PHKB: variants seen among roughly 807,000 people sequenced by gnomAD.
PHKB encodes phosphorylase b kinase regulatory subunit beta.
PHKB carries 122 observed loss-of-function variants against 152.1 expected under a neutral mutation model. That is an observed-to-expected ratio of 0.80 (90% CI 0.69 to 0.93). The LOEUF (loss-of-function observed/expected upper bound fraction) is 0.93. Ranked by LOEUF, PHKB falls within the 40% of genes least tolerant of loss-of-function variation. PHKB has a pLI of 0.00. For missense variants in PHKB, 1,304 were observed against 1,328.4 expected (o/e 0.98, Z 0.29); for synonymous variants, 436 against 464.9 (o/e 0.94, Z 0.80).
At chr16:47,494,228 A>T (rs1369690543) in intron 1 of PHKB, among the ~76,000 whole-genome samples, 1 of 152,182 alleles carries the variant, frequency 6.6e-6, no homozygotes, top group Non-Finnish European at 1.5e-5. Context: ...GATTCCGAAA[A>T]TGTGATTCAT....
At chr16:47,628,147 C>T (rs373852767) in intron 14 of PHKB, among the ~76,000 whole-genome samples, 1 of 152,170 alleles carries the variant, frequency 6.6e-6, no homozygotes, top group East Asian at 1.9e-4. Flanking sequence ...TTTTTCTTTC[C>T]TTCTCTCCCT....
chr16:47,600,941 C>T (rs941049852), intron 13 of PHKB, among the ~76,000 whole-genome samples: 9 of 152,100 alleles, frequency 5.9e-5, no homozygotes, highest in Non-Finnish European at 1.0e-4. Flanking sequence ...CCCAGGAGTT[C>T]GCGACTAGCC....
intron 20 of PHKB, among the ~76,000 whole-genome samples, chr16:47,654,969 G>T (rs1026586127): frequency 2.6e-5 from 4 of 151,374 alleles, no homozygotes; most frequent in Non-Finnish European, 4.4e-5. Context: ...AATAAATAAA[G>T]AAAAGAAAAA....
rs765843664 is a variant in PHKB at position 47,649,154 on chromosome 16, A to T, written c.1747A>T (p.Ser583Cys). The T allele has an allele frequency of 6.2e-7, 1 of 1,610,804 alleles. No individual in the cohort carries two copies. Among genetic ancestry groups the T allele is most frequent in the Non-Finnish European group, 8.5e-7 (1 of 1,177,038 alleles). The change falls in exon 18 of 31, where the codon AGT becomes TGT. Residue 583 changes from serine (S) to cysteine (C), a missense_variant. By Grantham distance (112) the Ser-to-Cys change is moderately radical. Transcript: ENST00000323584. Reference sequence around the variant, plus strand: ...TTGTTACCCGATTATTTTCGACCTAAGTGATTTCTACATGTCTCAGGATGT... The same window carrying T: ...TTGTTACCCGATTATTTTCGACCTATGTGATTTCTACATGTCTCAGGATGT... The part of the protein sequence containing the change: ...VVCYPIIFDL[S>C]DFYMSQDVFL...
In PHKB at chr16:47,465,002, C is replaced by T. The variant is rs536357716; in HGVS notation, c.76+3576C>T. ...GTGTTTCTCCCTCTTCATTCATTTT[C>T]GTTTATATTTCAAGTCCTGTTCTGG... On this transcript the variant is annotated intron_variant, in intron 1 of 30. Coordinates refer to ENST00000323584, the MANE Select transcript of PHKB (RefSeq NM_000293.3). Among the ~76,000 whole-genome samples the T allele has an allele frequency of 3.9e-5, 6 of 152,146 alleles. No homozygotes were observed. In the East Asian group the frequency reaches 5.8e-4, roughly 15 times the overall value.
At chr16:47,662,809 T>C (rs1043477503) in intron 23 of PHKB, among the ~76,000 whole-genome samples, 4 of 152,178 alleles carry the variant, frequency 2.6e-5, no homozygotes, top group Non-Finnish European at 5.9e-5. Flanking sequence ...TCTAAAACAG[T>C]AGGATTTTTA....
chr16:47,504,662 T>C (rs1212066676), intron 4 of PHKB, among the ~76,000 whole-genome samples: 1 of 152,240 alleles, frequency 6.6e-6, no homozygotes, highest in Non-Finnish European at 1.5e-5. Context: ...TTAATTTCCA[T>C]GTGCCCCGTT....
At position 47,699,709 on chromosome 16, in the gene PHKB, A is replaced by G. The variant is rs1974215977; in HGVS notation, c.*343A>G. On this transcript the variant is annotated 3_prime_UTR_variant, in exon 31 of 31. Coordinates refer to ENST00000323584, the MANE Select transcript of PHKB (RefSeq NM_000293.3). ...TCTTTGCTCTTTGGACTGAATTCTT[A>G]CCATACTGCCATTAAAATAAATTTG... The G allele has an allele frequency of 3.1e-6, 1 of 323,148 alleles. No homozygotes were observed. Among genetic ancestry groups the G allele is most frequent in the South Asian group, 3.2e-5 (1 of 31,456 alleles). 20.0% of individuals were successfully genotyped at this position (323,148 alleles called of 1,614,324 possible).
At chr16:47,617,830 G>A (rs959365957) in intron 14 of PHKB, among the ~76,000 whole-genome samples, 4 of 152,208 alleles carry the variant, frequency 2.6e-5, no homozygotes, top group Non-Finnish European at 5.9e-5. Context: ...TGGGAACAAA[G>A]AAGACTCTTA....
At chr16:47,598,746 A>AT (rs1972167690) in intron 13 of PHKB, 1 of 1,587,166 alleles carries the variant, frequency 6.3e-7, no homozygotes, top group Non-Finnish European at 8.6e-7. Context: ...GATTTAGTTC[A>AT]TGTTCAGCCT....
intron 1 of PHKB, among the ~76,000 whole-genome samples, chr16:47,483,297 C>G (rs532857752): frequency 1.3e-5 from 2 of 152,144 alleles, no homozygotes; most frequent in African/African-American, 4.8e-5. Context: ...ATCCACCTGC[C>G]TCGGCCTCCC....
At chr16:47,633,992 A>G (rs1319033848) in intron 14 of PHKB, among the ~76,000 whole-genome samples, 2 of 152,224 alleles carry the variant, frequency 1.3e-5, no homozygotes, top group African/African-American at 4.8e-5. Context: ...GCAAGTGTGG[A>G]GCAGAAAGCT....
chr16:47,566,812 C>A, intron 7 of PHKB: 1 of 725,606 alleles, frequency 1.4e-6, no homozygotes, highest in African/African-American at 1.7e-5. Flanking sequence ...GTGCTTCCTC[C>A]ACCAGTCCCT....
chr16:47,617,504 C>G (rs1258031472), intron 14 of PHKB, among the ~76,000 whole-genome samples: 1 of 151,960 alleles, frequency 6.6e-6, no homozygotes, highest in African/African-American at 2.4e-5. Context: ...ATGAATTTGC[C>G]TATTCTAGTT....
intron 20 of PHKB, among the ~76,000 whole-genome samples, chr16:47,653,806 A>G (rs1223815511): frequency 6.6e-6 from 1 of 152,202 alleles, no homozygotes; most frequent in African/African-American, 2.4e-5. Flanking sequence ...AAAGACTATT[A>G]CAAAAATGTG....
At chr16:47,564,739 T>G (rs375410119) in intron 7 of PHKB, among the ~76,000 whole-genome samples, 15 of 152,344 alleles carry the variant, frequency 9.8e-5, no homozygotes, top group African/African-American at 3.4e-4. Context: ...GGTTTTAGAC[T>G]TATGTCTTTA....
At chr16:47,608,051 G>A (rs1972359718) in intron 13 of PHKB, among the ~76,000 whole-genome samples, 2 of 150,958 alleles carry the variant, frequency 1.3e-5, no homozygotes, top group African/African-American at 4.9e-5. Context: ...TTATTATTAT[G>A]TTGTTATGAA....
At chr16:47,555,949 A>T (rs936053460) in intron 7 of PHKB, among the ~76,000 whole-genome samples, 1 of 152,030 alleles carries the variant, frequency 6.6e-6, no homozygotes, top group African/African-American at 2.4e-5. Flanking sequence ...CTTTTATTTC[A>T]TTGAGCAGTG....
chr16:47,554,933 G>A (rs1319878440), intron 7 of PHKB, among the ~76,000 whole-genome samples: 1 of 152,178 alleles, frequency 6.6e-6, no homozygotes, highest in East Asian at 1.9e-4. Context: ...GGTCTTGCTG[G>A]GAGCTGCAGA....
Sources: allele counts gnomAD v4.1 joint callset (sites outside exome capture counted in the v4.1 genomes callset), GRCh38; gene constraint gnomAD v4.1.1; transcripts MANE v1.5; gene names NCBI Gene and HGNC (gene_info 2026-07-23, HGNC 2026-07-21).